POLG2: variants seen among roughly 807,000 people sequenced by gnomAD.
The protein encoded by POLG2 is DNA polymerase subunit gamma-2.
POLG2 carries 50 observed loss-of-function variants against 56.5 expected under a neutral mutation model. The ratio of observed to expected loss-of-function variants is 0.88; its 90% CI spans 0.71 to 1.12. The LOEUF is 1.12. Among genes scored for constraint, POLG2 ranks in the 50% most tolerant of loss-of-function variants. The probability of loss-of-function intolerance (pLI) is 0.00; values close to 1 mark genes in which losing one functional copy is unlikely to be tolerated. For missense variants in POLG2, 584 were observed against 583.3 expected, an observed-to-expected ratio of 1.00 and a Z score of -0.01; for synonymous variants, 226 against 222.6, an observed-to-expected ratio of 1.02 and a Z score of -0.14.
chr17:64,494,753 T>C (rs1015654569), intron 1 of POLG2, among the ~76,000 whole-genome samples: 18 of 152,212 alleles, frequency 1.2e-4, no homozygotes, highest in Admixed American at 1.0e-3. Flanking sequence ...CCTTTTTATA[T>C]GACCCATTAG....
chr17:64,487,059 C>T (rs1431211017), intron 4 of POLG2: 2 of 151,894 alleles, frequency 1.3e-5, no homozygotes, highest in African/African-American at 4.8e-5. Context: ...ACTTAAATAA[C>T]CACCTTTAGC....
At chr17:64,493,832 T>C (rs1425623364) in intron 1 of POLG2, among the ~76,000 whole-genome samples, 2 of 152,178 alleles carry the variant, frequency 1.3e-5, no homozygotes, top group African/African-American at 4.8e-5. Context: ...TAAACATCCA[T>C]ATACAATGAA....
intron 7 of POLG2, among the ~76,000 whole-genome samples, chr17:64,479,006 C>T (rs926966054): frequency 6.6e-6 from 1 of 152,038 alleles, no homozygotes; most frequent in Non-Finnish European, 1.5e-5. Flanking sequence ...ACAATAAAAC[C>T]TTTACCATAT....
At chr17:64,482,853 G>T in intron 6 of POLG2, 66 bp downstream of exon 6, 1 of 934,856 alleles carries the variant, frequency 1.1e-6, no homozygotes, top group South Asian at 1.3e-5. Flanking sequence ...AATGGTCCTG[G>T]TCCAAAGCGT....
At position 64,483,014 on chromosome 17, in the gene POLG2, T is replaced by TG. The variant is rs1555666811; in HGVS notation, c.1111-16dup. 1.4e-6 allele frequency: 2 copies of TG among 1,406,176 alleles called. No individual in the cohort carries two copies. Among genetic ancestry groups the TG allele is most frequent in the Non-Finnish European group, 2.0e-6 (2 of 994,668 alleles). 87.1% of individuals were successfully genotyped at this position (1,406,176 alleles called of 1,614,324 possible). On this transcript the variant is annotated splice_polypyrimidine_tract_variant and intron_variant, in intron 5 of 7. Transcript: ENST00000539111. Reference sequence around the variant, plus strand: ...AGTTTAAGTACCTAAGGCAATTAAATGGGGGAGGGAGAAGACAGGAAAGGG... The same window carrying TG: ...AGTTTAAGTACCTAAGGCAATTAAATGGGGGGAGGGAGAAGACAGGAAAGGG...
rs2038047569 is a variant in POLG2, at chr17:64,490,920, T to A, written c.845A>T (p.Glu282Val). ...GTAAAGTTTGTTTCCTTTCCGGCCTTCTTCATCCTGACAGTCACTGCTGCT... is the reference window on the plus strand; with the variant it reads ...GTAAAGTTTGTTTCCTTTCCGGCCTACTTCATCCTGACAGTCACTGCTGCT... The part of the protein sequence containing the change: ...NFSSSDCQDE[E>V]GRKGNKLYYN... The change falls in exon 4 of 8, where the codon GAA becomes GTA. Residue 282 changes from glutamate to valine, a missense_variant. Glu to Val is a moderately radical substitution (Grantham distance 121, BLOSUM62 -2). Coordinates refer to ENST00000539111, the MANE Select transcript of POLG2 (RefSeq NM_007215.4). 1 of 1,614,048 alleles carries A rather than the reference T, an allele frequency of 6.2e-7. No homozygotes were observed. Among genetic ancestry groups the A allele is most frequent in the Non-Finnish European group, 8.5e-7 (1 of 1,179,894 alleles).
intron 1 of POLG2, among the ~76,000 whole-genome samples, chr17:64,494,434 G>A (rs56253541): frequency 0.28 from 42,356 of 152,080 alleles, 11,397 homozygotes; most frequent in African/African-American, 0.7. Context: ...ATTTCACCCA[G>A]TATTTTAGAA....
intron 1 of POLG2, among the ~76,000 whole-genome samples, chr17:64,493,461 T>C (rs2038098091): frequency 6.6e-6 from 1 of 152,062 alleles, no homozygotes; most frequent in African/African-American, 2.4e-5. Flanking sequence ...TTCTAGGTAG[T>C]TTCACCCTGA....
chr17:64,479,294 C>T (rs1312125436), intron 7 of POLG2, among the ~76,000 whole-genome samples: 1 of 151,734 alleles, frequency 6.6e-6, no homozygotes, highest in Non-Finnish European at 1.5e-5. Flanking sequence ...AGCAATTCTC[C>T]TGCCTCAGCC....
At chr17:64,484,920 G>C (rs2037925726) in intron 5 of POLG2, among the ~76,000 whole-genome samples, 1 of 152,070 alleles carries the variant, frequency 6.6e-6, no homozygotes, top group Non-Finnish European at 1.5e-5. Flanking sequence ...TATGTTCAAA[G>C]GGTATATGAC....
Position 64,493,680 on chromosome 17 carries a change from GT to G in POLG2, c.563-660del, listed in dbSNP as rs2038102883. ...TTTCTGTATTTTTAGTAGAGACGGG[GT>G]TTCACCGTGTTAGCCAGGTTGGTCT... On this transcript the variant is annotated intron_variant, in intron 1 of 7. Transcript: ENST00000539111. 2.0e-5 allele frequency among the ~76,000 whole-genome samples: 3 copies of G among 152,186 alleles called. No individual in the cohort carries two copies. The South Asian group carries it at 6.2e-4, about 32-fold the overall frequency.
intron 4 of POLG2, among the ~76,000 whole-genome samples, chr17:64,489,897 C>T (rs940715331): frequency 5.3e-5 from 8 of 152,060 alleles, no homozygotes; most frequent in African/African-American, 1.9e-4. Flanking sequence ...AAGTATCTGC[C>T]CACAACACTT....
intron 7 of POLG2, among the ~76,000 whole-genome samples, chr17:64,478,322 A>G (rs7213085): frequency 0.28 from 42,154 of 152,142 alleles, 11,249 homozygotes; most frequent in African/African-American, 0.7. Flanking sequence ...CAATCCAAGA[A>G]CAATTATTTT....
Position 64,489,616 on chromosome 17 carries a change from C to A in POLG2, c.969+1180G>T, listed in dbSNP as rs2313445. Among the ~76,000 whole-genome samples the A allele has an allele frequency of 5.7e-3, 870 of 152,178 alleles. 4 individuals carry two copies. Among genetic ancestry groups the A allele is most frequent in the African/African-American group, 0.02 (831 of 41,512 alleles). On this transcript the variant is annotated intron_variant, in intron 4 of 7. Coordinates refer to ENST00000539111, the MANE Select transcript of POLG2 (RefSeq NM_007215.4). ...TCTCTACAAATATTAAACCATCAGT[C>A]GGGCATGGTGATACATGCTTGTAGT...
chr17:64,496,681 G>T lies in POLG2; in HGVS notation c.288C>A (p.His96Gln). The T allele has an allele frequency of 6.2e-7, 1 of 1,614,062 alleles. No homozygotes were observed. The highest frequency in any genetic ancestry group is 8.5e-7 in the Non-Finnish European group (1 of 1,180,020). The change falls in exon 1 of 8, where the codon CAC becomes CAA. Residue 96 changes from histidine (H) to glutamine (Q), a missense_variant. Transcript: ENST00000539111. ...LSRDSLLSGC[H>Q]PGFGPLGVEL... Reference sequence around the variant, plus strand: ...CTACGCCCAAGGGTCCGAAGCCGGGGTGGCACCCACTCAGAAGAGAATCCC... The same window carrying T: ...CTACGCCCAAGGGTCCGAAGCCGGGTTGGCACCCACTCAGAAGAGAATCCC...
At chr17:64,495,807 C>T (rs2038141228) in intron 1 of POLG2, among the ~76,000 whole-genome samples, 1 of 151,970 alleles carries the variant, frequency 6.6e-6, no homozygotes, top group Non-Finnish European at 1.5e-5. Context: ...CTCCTGGGTT[C>T]AAGCGATTCT....
intron 7 of POLG2, among the ~76,000 whole-genome samples, chr17:64,478,345 C>G (rs2037802076): frequency 6.6e-6 from 1 of 152,092 alleles, no homozygotes; most frequent in Non-Finnish European, 1.5e-5. Flanking sequence ...ACTGAAGTCT[C>G]TTACAATAAA....
chr17:64,492,587 T>C lies in POLG2; in HGVS notation c.795+80A>G. The stretch of plus-strand genomic sequence containing the variant: ...GCTACATACATCAAATATAATTTCT[T>C]GTATGTCAGAAGAATTACCACTGAC... On this transcript the variant is annotated intron_variant, in intron 3 of 7. Transcript: ENST00000539111. 4 of 778,236 alleles carry C rather than the reference T, an allele frequency of 5.1e-6. No individual in the cohort carries two copies. The Admixed American group carries it at 8.1e-5, about 16-fold the overall frequency. 48.2% of individuals were successfully genotyped at this position (778,236 alleles called of 1,614,324 possible).
chr17:64,487,850 A>C (rs1390046742), intron 4 of POLG2, among the ~76,000 whole-genome samples: 1 of 152,058 alleles, frequency 6.6e-6, no homozygotes, highest in African/African-American at 2.4e-5. Flanking sequence ...TAAAACAAAC[A>C]AAAAAGATTG....
Sources: gnomAD v4.1 joint callset for allele counts (sites outside exome capture counted in the v4.1 genomes callset) on GRCh38, gnomAD v4.1.1 for gene constraint, MANE v1.5 for transcripts, NCBI Gene and HGNC (gene_info 2026-07-23, HGNC 2026-07-21) for gene names.